Variants in METRN observed in about 807,000 individuals in gnomAD.
The protein encoded by METRN is meteorin, glial cell differentiation regulator.
Under a neutral mutation model 17.4 loss-of-function variants are expected in METRN, and 17 were observed. That is an observed-to-expected ratio of 0.98 (90% CI 0.67 to 1.46). METRN has a LOEUF of 1.46. Ranked by LOEUF, METRN falls within the 40% of genes most tolerant of loss-of-function variation. METRN has a pLI of 0.00. For synonymous variants in METRN, 230 were observed against 210.8 expected, an observed-to-expected ratio of 1.09 and a Z score of -0.79; for missense variants, 489 against 456.2, an observed-to-expected ratio of 1.07 and a Z score of -0.65.
In METRN at chr16:718,777, TCTCTC is replaced by T. The variant is rs2040182147; in HGVS notation, c.*1397_*1401del. The T allele has an allele frequency of 6.6e-6, 1 of 152,362 alleles. No homozygotes were observed. Among genetic ancestry groups the T allele is most frequent in the Non-Finnish European group, 1.5e-5 (1 of 68,228 alleles). The allele number at this position is 152,362 out of a possible 1,614,324, so 9.4% of individuals were successfully genotyped here. On this transcript the variant is annotated 3_prime_UTR_variant, in exon 4 of 4. Coordinates refer to ENST00000568223, the MANE Select transcript of METRN (RefSeq NM_024042.4). ...GCCCCTCCTCAGGTTCCTTGCTGCT[TCTCTC>T]CTCTCCCAACTGTGGCACGCTGAGG...
Position 715,751 on chromosome 16 carries a change from G to A in METRN, c.272G>A (p.Gly91Asp). 1 of 1,287,670 alleles carries A rather than the reference G, an allele frequency of 7.8e-7. No individual in the cohort carries two copies. The highest frequency in any genetic ancestry group is 9.8e-7 in the Non-Finnish European group (1 of 1,021,806). 79.8% of individuals were successfully genotyped at this position (1,287,670 alleles called of 1,614,324 possible). ...CTGCGGCCGGTGCGGCCCTTCGCGG[G>A]CGCCCAGGTCTTCGCGGAGCGCGCA... ...ACLRPVRPFA[G>D]AQVFAERAGG... is the part of the protein sequence containing the mutation. Residue 91 changes from glycine (G) to aspartate (D), a missense_variant, in exon 2 of 4, where the codon GGC becomes GAC. By Grantham distance (94) the Gly-to-Asp change is moderately conservative. Transcript: ENST00000568223.
In METRN at chr16:715,699, C is replaced by T. The variant is rs754921151; in HGVS notation, c.220C>T (p.Pro74Ser). 1.4e-5 allele frequency: 19 copies of T among 1,394,908 alleles called. No homozygotes were observed. In the Admixed American group the frequency reaches 1.6e-4, roughly 12 times the overall value. The allele number at this position is 1,394,908 out of a possible 1,614,324, so 86.4% of individuals were successfully genotyped here. ...GCGCCTGACCCTGGGCGGCCCCGATCCCAGAGCGCGGCCCGGCATCGCCTG... is the reference window on the plus strand; with the variant it reads ...GCGCCTGACCCTGGGCGGCCCCGATTCCAGAGCGCGGCCCGGCATCGCCTG... ...ALRLTLGGPD[P>S]RARPGIACLR... The change falls in exon 2 of 4, where the codon CCC becomes TCC. Residue 74 changes from proline to serine, a missense_variant. Pro to Ser is a moderately conservative substitution (Grantham distance 74, BLOSUM62 -1). Coordinates refer to ENST00000568223, the MANE Select transcript of METRN (RefSeq NM_024042.4).
At chr16:715,431 G>C in intron 1 of METRN, 38 bp downstream of exon 1, 1 of 1,273,774 alleles carries the variant, frequency 7.9e-7, no homozygotes, top group South Asian at 2.4e-5. Flanking sequence ...TTAGGACGGG[G>C]TGCGCTGCGG....
intron 2 of METRN, chr16:716,546 C>T (rs2040163302): frequency 3.9e-6 from 6 of 1,531,170 alleles, no homozygotes; most frequent in East Asian, 4.9e-5. Flanking sequence ...GCCCCCACTT[C>T]CTATCACCCT....
At chr16:715,439 C>A in intron 1 of METRN, 46 bp downstream of exon 1, 2 of 1,264,686 alleles carry the variant, frequency 1.6e-6, no homozygotes, top group Non-Finnish European at 2.0e-6. Context: ...GGGTGCGCTG[C>A]GGCTAGGACC....
chr16:715,530 G>A, intron 1 of METRN, 54 bp from the exon 2 acceptor site: 4 of 1,286,858 alleles, frequency 3.1e-6, no homozygotes, highest in Non-Finnish European at 3.9e-6. Context: ...AGCGGGGGCT[G>A]CGCCGGGCGG....
In METRN at chr16:717,611, T is replaced by C. The variant is rs1488823023; in HGVS notation, c.*224T>C. Reference sequence around the variant, plus strand: ...GGAATGGTATCTTGTTCAAGACCATTTGGCAACTGAGAGGGAGAGCAGATG... The same window carrying C: ...GGAATGGTATCTTGTTCAAGACCATCTGGCAACTGAGAGGGAGAGCAGATG... On this transcript the variant is annotated 3_prime_UTR_variant, in exon 4 of 4. Transcript: ENST00000568223. 4 of 434,300 alleles carry C rather than the reference T, an allele frequency of 9.2e-6. No individual in the cohort carries two copies. Among genetic ancestry groups the C allele is most frequent in the East Asian group, 3.5e-5 (1 of 28,222 alleles). The allele number at this position is 434,300 out of a possible 1,614,324, so 26.9% of individuals were successfully genotyped here. A position where few individuals can be genotyped will look rare whatever the true frequency, so the allele number is the denominator to read the frequency against.
chr16:716,774 C>CTGTGTAGCTCTCTA, intron 2 of METRN, 159 bp from the exon 3 acceptor site: 3 of 1,527,430 alleles, frequency 2.0e-6, no homozygotes, highest in Non-Finnish European at 2.6e-6. Flanking sequence ...TGCACATCTG[C>CTGTGTAGCTCTCTA]TGTGTAGCTC....
In METRN at chr16:717,562, C is replaced by A; in HGVS notation, c.*175C>A. On this transcript the variant is annotated 3_prime_UTR_variant, in exon 4 of 4. Transcript: ENST00000568223. ...GTGAGGATGGCTCCAATTCCTGCCTCCTGGCGGGAGACTGAGGCTCAGGGG... is the reference window on the plus strand; with the variant it reads ...GTGAGGATGGCTCCAATTCCTGCCTACTGGCGGGAGACTGAGGCTCAGGGG... 1.9e-6 allele frequency: 1 copy of A among 517,744 alleles called. No individual in the cohort carries two copies. Among genetic ancestry groups the A allele is most frequent in the Non-Finnish European group, 3.1e-6 (1 of 322,024 alleles). The allele number at this position is 517,744 out of a possible 1,614,324, so 32.1% of individuals were successfully genotyped here. A position where few individuals can be genotyped will look rare whatever the true frequency, so the allele number is the denominator to read the frequency against.
At position 718,598 on chromosome 16, in the gene METRN, G is replaced by C. The variant is rs1192388996; in HGVS notation, c.*1211G>C. 7.8e-6 allele frequency: 1 copy of C among 128,318 alleles called. No homozygotes were observed. Among genetic ancestry groups the C allele is most frequent in the African/African-American group, 4.3e-5 (1 of 23,232 alleles). The allele number at this position is 128,318 out of a possible 1,614,324, so 7.9% of individuals were successfully genotyped here. A position where few individuals can be genotyped will look rare whatever the true frequency, so the allele number is the denominator to read the frequency against. On this transcript the variant is annotated 3_prime_UTR_variant, in exon 4 of 4. Coordinates refer to ENST00000568223, the MANE Select transcript of METRN (RefSeq NM_024042.4). ...CATGCCCTCTGTGGACACCTGGGGAGGGGGGTCACCTCCAGCGCCGCCCTG... is the reference window on the plus strand; with the variant it reads ...CATGCCCTCTGTGGACACCTGGGGACGGGGGTCACCTCCAGCGCCGCCCTG...
Position 716,880 on chromosome 16 carries a change from G to A in METRN, c.506-53G>A, listed in dbSNP as rs1051524913. The A allele has an allele frequency of 3.3e-6, 5 of 1,510,088 alleles. No individual in the cohort carries two copies. In the African/African-American group the frequency reaches 6.9e-5, roughly 21 times the overall value. The allele number at this position is 1,510,088 out of a possible 1,614,324, so 93.5% of individuals were successfully genotyped here. On this transcript the variant is annotated intron_variant, in intron 2 of 3. Coordinates refer to ENST00000568223, the MANE Select transcript of METRN (RefSeq NM_024042.4). ...TGTGCGGACAAGGGACGGGGCCTGG[G>A]GTGATGCCGGGAGAGGGCAGGGCCT...
rs541243033 is a variant in METRN, at chr16:717,377, C to A, written c.872C>A (p.Ala291Glu). 7 of 1,351,804 alleles carry A rather than the reference C, an allele frequency of 5.2e-6. No homozygotes were observed. Among genetic ancestry groups the A allele is most frequent in the Non-Finnish European group, 6.6e-6 (7 of 1,053,890 alleles). The allele number at this position is 1,351,804 out of a possible 1,614,324, so 83.7% of individuals were successfully genotyped here. A position where few individuals can be genotyped will look rare whatever the true frequency, so the allele number is the denominator to read the frequency against. The change falls in exon 4 of 4, where the codon GCG (alanine) becomes GAG (glutamate). Residue 291 changes from alanine (A) to glutamate (E), a missense_variant. Ala to Glu is a moderately radical substitution (Grantham distance 107). Transcript: ENST00000568223. ...GCCCACCTCCACCCCTGCGAGGTGGCGCTGCACTGAGGGGCTGGGTGCTGG... is the reference window on the plus strand; with the variant it reads ...GCCCACCTCCACCCCTGCGAGGTGGAGCTGCACTGAGGGGCTGGGTGCTGG... Reference protein sequence around the residue: ...RAAHLHPCEVALH With the variant: ...RAAHLHPCEVELH
At position 717,419 on chromosome 16, in the gene METRN, G is replaced by A. The variant is rs2040171048; in HGVS notation, c.*32G>A. 1 of 1,375,396 alleles carries A rather than the reference G, an allele frequency of 7.3e-7. No individual in the cohort carries two copies. The highest frequency in any genetic ancestry group is 9.4e-7 in the Non-Finnish European group (1 of 1,063,650). 85.2% of individuals were successfully genotyped at this position (1,375,396 alleles called of 1,614,324 possible). A position where few individuals can be genotyped will look rare whatever the true frequency, so the allele number is the denominator to read the frequency against. On this transcript the variant is annotated 3_prime_UTR_variant, in exon 4 of 4. Transcript: ENST00000568223. The stretch of plus-strand genomic sequence containing the variant: ...GGGTGCTGGGGAGGGGCTGGTAGGA[G>A]GGAGGGTGGGCCCACTGCTTTGGAG...
chr16:716,086 G>A (rs899493283), intron 2 of METRN, 102 bp downstream of exon 2: 55 of 1,336,762 alleles, frequency 4.1e-5, no homozygotes, highest in Non-Finnish European at 5.3e-5. Context: ...GAAGGAAAAA[G>A]TGAGCTACAA....
intron 2 of METRN, chr16:716,510 C>T: frequency 1.3e-6 from 2 of 1,507,398 alleles, no homozygotes; most frequent in Middle Eastern, 1.7e-4. Context: ...GGCCCTGGGC[C>T]AGGGACCCCA....
At chr16:716,099 G>C in intron 2 of METRN, 115 bp downstream of exon 2, 2 of 1,339,024 alleles carry the variant, frequency 1.5e-6, no homozygotes, top group South Asian at 3.7e-5. Context: ...AGCTACAAGG[G>C]TTGGATGGGC....
chr16:717,514 AG>A lies in METRN; in HGVS notation c.*128del. The A allele has an allele frequency of 1.1e-6, 1 of 939,184 alleles. No homozygotes were observed. The highest frequency in any genetic ancestry group is 1.4e-6 in the Non-Finnish European group (1 of 692,618). The allele number at this position is 939,184 out of a possible 1,614,324, so 58.2% of individuals were successfully genotyped here. ...GGACCTGGTCTCCTGTGTCCAGCCC[AG>A]CCTTGGGCCTGCCTCGCAGCTGTGA... On this transcript the variant is annotated 3_prime_UTR_variant, in exon 4 of 4. Transcript: ENST00000568223.
Position 715,307 on chromosome 16 carries a change from G to T in METRN, c.18G>T (p.Ala6=). The T allele has an allele frequency of 1.5e-6, 2 of 1,337,016 alleles. No homozygotes were observed. The highest frequency in any genetic ancestry group is 1.8e-5 in the South Asian group (1 of 56,090). 82.8% of individuals were successfully genotyped at this position (1,337,016 alleles called of 1,614,324 possible). A position where few individuals can be genotyped will look rare whatever the true frequency, so the allele number is the denominator to read the frequency against. MGFPA[A]ALLCALCCGL... The stretch of plus-strand genomic sequence containing the variant: ...GCCGTGCCATGGGGTTCCCGGCCGC[G>T]GCGCTGCTCTGCGCGCTGTGCTGCG... Residue 6 remains alanine, a synonymous_variant, in exon 1 of 4, where the codon GCG becomes GCT. Transcript: ENST00000568223.
chr16:717,027 T>C (rs1410994537), intron 3 of METRN, 35 bp downstream of exon 3: 1 of 1,611,484 alleles, frequency 6.2e-7, no homozygotes, highest in South Asian at 1.1e-5. Context: ...GCCTGGAGCC[T>C]GCCTTCCCCT....
Sources: allele counts gnomAD v4.1 joint callset, GRCh38; gene constraint gnomAD v4.1.1; transcripts MANE v1.5; gene names NCBI Gene and HGNC (gene_info 2026-07-23, HGNC 2026-07-21).